Variants in SLCO3A1 observed in about 807,000 individuals in gnomAD.
SLCO3A1 encodes solute carrier organic anion transporter family member 3A1.
A neutral mutation model predicts 63.1 loss-of-function variants in SLCO3A1; 27 were observed. The observed-to-expected ratio is 0.43, with a 90% confidence interval of 0.32 to 0.59. The LOEUF is 0.59. Among genes scored for constraint, SLCO3A1 ranks in the 20% least tolerant of loss-of-function variants. The pLI, the probability that SLCO3A1 is intolerant of heterozygous loss-of-function variation, is 0.09. For synonymous variants in SLCO3A1, 473 were observed against 409.9 expected (o/e 1.15, Z -1.86); for missense variants, 773 against 945.8 (o/e 0.82, Z 2.40).
chr15:91,911,994 A>G (rs141801572), intron 1 of SLCO3A1, among the ~76,000 whole-genome samples: 1 of 151,472 alleles, frequency 6.6e-6, no homozygotes, highest in Non-Finnish European at 1.5e-5. Flanking sequence ...TTTTTTGAAT[A>G]ATCATTGTAG....
rs779909637 is a variant in SLCO3A1, at chr15:91,854,133, G to A, written c.180+45G>A. 11 of 1,374,504 alleles carry A rather than the reference G, an allele frequency of 8.0e-6. No individual in the cohort carries two copies. In the East Asian group the frequency reaches 3.3e-4, roughly 41 times the overall value. 85.1% of individuals were successfully genotyped at this position (1,374,504 alleles called of 1,614,324 possible). On this transcript the variant is annotated intron_variant, in intron 1 of 9. Transcript: ENST00000318445. This position sits in a 1 kb window ranked among gnomAD's most constrained non-coding sequence, Gnocchi z 6.4. The stretch of plus-strand genomic sequence containing the variant: ...CCGCCGCGGGCCCCTTCCCCAGCCC[G>A]GCTCTCGAGCGGCCGCCTGGCCCGA...
At chr15:92,063,293 C>T (rs2047108845) in intron 2 of SLCO3A1, among the ~76,000 whole-genome samples, 1 of 152,174 alleles carries the variant, frequency 6.6e-6, no homozygotes, top group Non-Finnish European at 1.5e-5. Context: ...AAACCCATTT[C>T]AGTCCAAACC....
At chr15:92,090,477 G>A (rs781368911) in intron 2 of SLCO3A1, among the ~76,000 whole-genome samples, 5 of 152,182 alleles carry the variant, frequency 3.3e-5, no homozygotes. Context: ...TCAAACCCTT[G>A]TCCCCTTGTC....
rs1897091530 is a variant in SLCO3A1 at position 91,863,328 on chromosome 15, TG to T, written c.180+9243del. Among the ~76,000 whole-genome samples the T allele has an allele frequency of 6.6e-6, 1 of 152,240 alleles. No individual in the cohort carries two copies. The highest frequency in any genetic ancestry group is 2.4e-5 in the African/African-American group (1 of 41,470). On this transcript the variant is annotated intron_variant, in intron 1 of 9. Transcript: ENST00000318445. This position sits in a 1 kb window ranked among gnomAD's most constrained non-coding sequence, Gnocchi z 4.3. ...CTCCAGGGGTACAGGAGGCTTGTCCTGGGTCTGTGGTCACTGTAGCTTTCAG... is the reference window on the plus strand; with the variant it reads ...CTCCAGGGGTACAGGAGGCTTGTCCTGGTCTGTGGTCACTGTAGCTTTCAG...
intron 1 of SLCO3A1, among the ~76,000 whole-genome samples, chr15:91,868,350 C>G (rs1897216034): frequency 8.2e-6 from 1 of 122,344 alleles, no homozygotes; most frequent in Admixed American, 9.4e-5. Flanking sequence ...CCACACCCAG[C>G]CGGCTTTTTT....
intron 2 of SLCO3A1, among the ~76,000 whole-genome samples, chr15:91,986,064 G>A (rs2046048535): frequency 6.6e-6 from 1 of 152,192 alleles, no homozygotes; most frequent in Non-Finnish European, 1.5e-5. Flanking sequence ...TTCCCTTGAG[G>A]AGCGTGACAA....
At chr15:92,126,317 C>A in intron 6 of SLCO3A1, 58 bp downstream of exon 6, 1 of 1,463,920 alleles carries the variant, frequency 6.8e-7, no homozygotes, top group Non-Finnish European at 9.6e-7. Flanking sequence ...AGCAATCTCC[C>A]TCTGCAGTAG....
chr15:91,923,078 C>T (rs896865897), intron 2 of SLCO3A1, among the ~76,000 whole-genome samples: 7 of 152,250 alleles, frequency 4.6e-5, no homozygotes, highest in South Asian at 2.1e-4. Context: ...AAATCCTGGC[C>T]CCTCCACGAC....
chr15:92,149,576 T>C (rs2048276930), intron 8 of SLCO3A1: 1 of 152,218 alleles, frequency 6.6e-6, no homozygotes. Context: ...TAGGCAGTGT[T>C]CTCAAGGTCA....
At chr15:92,153,826 G>A (rs894259139) in intron 9 of SLCO3A1, among the ~76,000 whole-genome samples, 13 of 152,170 alleles carry the variant, frequency 8.5e-5, no homozygotes, top group African/African-American at 3.1e-4. Context: ...GTCCCAGCAT[G>A]TTTGGGGGCT....
chr15:91,931,604 G>A (rs1291063210), intron 2 of SLCO3A1, among the ~76,000 whole-genome samples: 1 of 151,880 alleles, frequency 6.6e-6, no homozygotes, highest in Non-Finnish European at 1.5e-5. Flanking sequence ...CCAAGTAGCT[G>A]GGACTACAGG....
At chr15:91,951,224 T>C (rs548942460) in intron 2 of SLCO3A1, among the ~76,000 whole-genome samples, 388 of 152,264 alleles carry the variant, frequency 2.5e-3, no homozygotes, top group Non-Finnish European at 4.5e-3. Flanking sequence ...TCCTCTCCCA[T>C]CCCCTGTTCC....
chr15:91,963,445 C>T (rs971144207), intron 2 of SLCO3A1, among the ~76,000 whole-genome samples: 3 of 149,886 alleles, frequency 2.0e-5, no homozygotes, highest in African/African-American at 7.4e-5. Flanking sequence ...GGCTGATTAA[C>T]TCCTGAATGT....
chr15:92,050,740 T>G (rs2046947002), intron 2 of SLCO3A1, among the ~76,000 whole-genome samples: 1 of 152,206 alleles, frequency 6.6e-6, no homozygotes, highest in African/African-American at 2.4e-5. Flanking sequence ...TAAAATGTTT[T>G]GGTGGCTTCC....
chr15:91,862,190 G>A lies in SLCO3A1; in HGVS notation c.180+8102G>A, dbSNP rs1897065222. On this transcript the variant is annotated intron_variant, in intron 1 of 9. Coordinates refer to ENST00000318445, the MANE Select transcript of SLCO3A1 (RefSeq NM_013272.4). The surrounding 1 kb of genome is among the most constrained non-coding windows in gnomAD (Gnocchi z 4.0). ...TTTTTTTTTGAGACAGTCTCACACTGTTGCCCAGCCTGGAGTGCAGTGGCA... is the reference window on the plus strand; with the variant it reads ...TTTTTTTTTGAGACAGTCTCACACTATTGCCCAGCCTGGAGTGCAGTGGCA... Among the ~76,000 whole-genome samples the A allele has an allele frequency of 6.6e-6, 1 of 151,184 alleles. No individual in the cohort carries two copies. The highest frequency in any genetic ancestry group is 2.1e-4 in the South Asian group (1 of 4,784).
intron 6 of SLCO3A1, among the ~76,000 whole-genome samples, 171 bp from the exon 7 acceptor site, chr15:92,128,180 G>A (rs1197258155): frequency 6.6e-6 from 1 of 152,192 alleles, no homozygotes; most frequent in Non-Finnish European, 1.5e-5. Flanking sequence ...CTCCTTGCTG[G>A]ACAGGATAGG....
At chr15:91,945,889 T>C (rs994014400) in intron 2 of SLCO3A1, among the ~76,000 whole-genome samples, 9 of 152,096 alleles carry the variant, frequency 5.9e-5, no homozygotes, top group Admixed American at 5.9e-4. Flanking sequence ...TCCTGATGGA[T>C]TGTGATGGAG....
At chr15:92,065,070 T>TTTTA (rs139595775) in intron 2 of SLCO3A1, among the ~76,000 whole-genome samples, 1 of 150,972 alleles carries the variant, frequency 6.6e-6, no homozygotes, top group Non-Finnish European at 1.5e-5. Context: ...TACCCACGTT[T>TTTTA]TTTGTTTGTT....
intron 2 of SLCO3A1, among the ~76,000 whole-genome samples, chr15:92,062,732 C>T (rs956083016): frequency 2.0e-5 from 3 of 152,154 alleles, no homozygotes; most frequent in African/African-American, 7.2e-5. Context: ...TCTCGGGCTC[C>T]GGCTCCTGTA....
Sources: gnomAD v4.1 joint callset for allele counts (sites outside exome capture counted in the v4.1 genomes callset) on GRCh38, gnomAD v4.1.1 for gene constraint, Gnocchi (gnomAD v3.1) non-coding constraint, MANE v1.5 for transcripts, NCBI Gene and HGNC (gene_info 2026-07-23, HGNC 2026-07-21) for gene names.